Variants in UGT2B7 observed in about 807,000 individuals in gnomAD.
UGT2B7 encodes the protein UDP-glucuronosyltransferase 2B7.
Under a neutral mutation model 51.9 loss-of-function variants are expected in UGT2B7, and 51 were observed. The ratio of observed to expected loss-of-function variants is 0.98; its 90% CI spans 0.78 to 1.24. UGT2B7 has a LOEUF of 1.24. Among genes scored for constraint, UGT2B7 ranks in the 50% most tolerant of loss-of-function variants. UGT2B7 has a pLI of 0.00. For missense variants in UGT2B7, 727 were observed against 628.4 expected, an observed-to-expected ratio of 1.16 and a Z score of -1.68; for synonymous variants, 225 against 211.6, an observed-to-expected ratio of 1.06 and a Z score of -0.55.
intron 1 of UGT2B7, among the ~76,000 whole-genome samples, chr4:69,061,700 T>A (rs182643105): frequency 6.6e-6 from 1 of 152,202 alleles, no homozygotes; most frequent in Admixed American, 6.5e-5. Flanking sequence ...GTCATTTCTA[T>A]GTGCAATGGC....
chr4:69,083,497 C>T (rs1035517807), intron 1 of UGT2B7, among the ~76,000 whole-genome samples: 3 of 152,016 alleles, frequency 2.0e-5, no homozygotes, highest in African/African-American at 7.2e-5. Flanking sequence ...TGATTCCAAT[C>T]CTCATGGATG....
At chr4:69,063,513 C>T (rs1718404913) in intron 1 of UGT2B7, among the ~76,000 whole-genome samples, 1 of 152,032 alleles carries the variant, frequency 6.6e-6, no homozygotes, top group Non-Finnish European at 1.5e-5. Context: ...GCTGGCCCAG[C>T]AAGCCACAGA....
At chr4:69,096,350 CATTT>C, upstream of UGT2B7, 1 of 1,015,796 alleles carries the variant, frequency 9.8e-7, no homozygotes, top group Non-Finnish European at 1.4e-6. Flanking sequence ...CATTTACCTT[CATTT>C]GTCTCTTTGC....
chr4:69,101,881 G>A (rs1023775439), intron 2 of UGT2B7, among the ~76,000 whole-genome samples: 10 of 152,152 alleles, frequency 6.6e-5, no homozygotes. Flanking sequence ...TCAAAAAAGA[G>A]ACAAGATCTC....
At chr4:69,085,890 C>T (rs1718942709) in intron 1 of UGT2B7, among the ~76,000 whole-genome samples, 1 of 151,710 alleles carries the variant, frequency 6.6e-6, no homozygotes, top group Non-Finnish European at 1.5e-5. Context: ...TTTCATCTCT[C>T]ATTTTATTTG....
intron 1 of UGT2B7, among the ~76,000 whole-genome samples, chr4:69,065,393 G>C (rs1252931052): frequency 6.6e-6 from 1 of 152,104 alleles, no homozygotes; most frequent in Non-Finnish European, 1.5e-5. Flanking sequence ...AATCTGTCAA[G>C]GCTTTAGAGT....
intron 1 of UGT2B7, chr4:69,089,334 T>A (rs1476660375): frequency 1.3e-5 from 2 of 152,224 alleles, no homozygotes; most frequent in Non-Finnish European, 2.9e-5. Context: ...TTGTAGAGAC[T>A]GGCAGTACAT....
chr4:69,066,721 T>C (rs1718490417), intron 1 of UGT2B7, among the ~76,000 whole-genome samples: 1 of 152,188 alleles, frequency 6.6e-6, no homozygotes, highest in Non-Finnish European at 1.5e-5. Flanking sequence ...ACAAACTATC[T>C]TTATTTCAAG....
At chr4:69,106,623 G>T (rs1000153564) in intron 3 of UGT2B7, among the ~76,000 whole-genome samples, 1 of 152,028 alleles carries the variant, frequency 6.6e-6, no homozygotes, top group Non-Finnish European at 1.5e-5. Flanking sequence ...ACCCAGTAAT[G>T]GGATTGCTGG....
rs369109329 is a variant in UGT2B7 at position 69,096,513 on chromosome 4, G to A, written c.-8G>A. 7.4e-6 allele frequency: 12 copies of A among 1,613,644 alleles called. No homozygotes were observed. Among genetic ancestry groups the A allele is most frequent in the South Asian group, 2.2e-5 (2 of 91,028 alleles). On this transcript the variant is annotated 5_prime_UTR_variant, in exon 1 of 6. Coordinates refer to ENST00000305231, the MANE Select transcript of UGT2B7 (RefSeq NM_001074.4). ...GCAACTGGAAAACAAGCATTGCATTGCACCAGGATGTCTGTGAAATGGACT... is the reference window on the plus strand; with the variant it reads ...GCAACTGGAAAACAAGCATTGCATTACACCAGGATGTCTGTGAAATGGACT...
chr4:69,052,773 T>G (rs1718069131), intron 1 of UGT2B7, among the ~76,000 whole-genome samples: 1 of 152,074 alleles, frequency 6.6e-6, no homozygotes, highest in African/African-American at 2.4e-5. Context: ...GTTTTATAAT[T>G]TAAAAGTAAT....
intron 2 of UGT2B7, among the ~76,000 whole-genome samples, chr4:69,090,636 T>C (rs530053215): frequency 6.6e-6 from 1 of 152,258 alleles, no homozygotes; most frequent in Non-Finnish European, 1.5e-5. Flanking sequence ...ATTACCTCCA[T>C]CAAGTCCCTC....
At chr4:69,087,572 T>C (rs1718990182) in intron 1 of UGT2B7, among the ~76,000 whole-genome samples, 1 of 152,028 alleles carries the variant, frequency 6.6e-6, no homozygotes, top group Non-Finnish European at 1.5e-5. Flanking sequence ...GTGAGTGTCC[T>C]TTTCTTTCCA....
intron 1 of UGT2B7, among the ~76,000 whole-genome samples, chr4:69,068,715 T>G (rs1718535271): frequency 6.6e-6 from 1 of 151,972 alleles, no homozygotes; most frequent in Admixed American, 6.6e-5. Context: ...GTTCTCCAAC[T>G]GTGTTTTTTT....
In UGT2B7 at chr4:69,071,046, C is replaced by T. The variant is rs183538859; in HGVS notation, c.-158-18426C>T. Among the ~76,000 whole-genome samples, 648 of 152,146 alleles carry T rather than the reference C, an allele frequency of 4.3e-3. 5 individuals are homozygous for T. Among genetic ancestry groups the T allele is most frequent in the African/African-American group, 0.015 (625 of 41,526 alleles). On this transcript the variant is annotated intron_variant, in intron 1 of 5. Coordinates refer to the UGT2B7 transcript ENST00000502942. ...GACTAAAGATGTTTTCCACATGAGG[C>T]CTTGAATACACTTGAGTTACTATTT...
upstream of UGT2B7, among the ~76,000 whole-genome samples, chr4:69,094,350 GTGTTAGCCAGGA>G (rs1226785578): frequency 2.8e-5 from 1 of 35,562 alleles, no homozygotes; most frequent in Non-Finnish European, 4.4e-5. Context: ...GGGTTTCACC[GTGTTAGCCAGGA>G]TGGTCTCGAT....
upstream of UGT2B7, among the ~76,000 whole-genome samples, chr4:69,094,865 T>C (rs1719178820): frequency 6.6e-6 from 1 of 152,242 alleles, no homozygotes; most frequent in Non-Finnish European, 1.5e-5. Context: ...GTTTAAGTAA[T>C]ATTCTAAATC....
chr4:69,065,329 T>C (rs961451107), intron 1 of UGT2B7, among the ~76,000 whole-genome samples: 1 of 152,110 alleles, frequency 6.6e-6, no homozygotes, highest in Non-Finnish European at 1.5e-5. Flanking sequence ...CAATATCTGA[T>C]AGGAAGATGT....
intron 1 of UGT2B7, among the ~76,000 whole-genome samples, chr4:69,087,092 G>C (rs887513268): frequency 6.7e-6 from 1 of 148,250 alleles, no homozygotes; most frequent in Non-Finnish European, 1.5e-5. Flanking sequence ...CTCTCTCTCT[G>C]TGTCTTCCTT....
Sources: gnomAD v4.1 joint callset for allele counts (sites outside exome capture counted in the v4.1 genomes callset) on GRCh38, gnomAD v4.1.1 for gene constraint, MANE v1.5 for transcripts, NCBI Gene and HGNC (gene_info 2026-07-23, HGNC 2026-07-21) for gene names.